Variants in SLC35F2 observed in about 807,000 individuals in gnomAD.
The protein encoded by SLC35F2 is solute carrier family 35 member F2.
In SLC35F2, 25 loss-of-function variants were observed where a neutral mutation model predicts 38.1. The observed-to-expected ratio is 0.66, with a 90% confidence interval of 0.48 to 0.92. The LOEUF is 0.92. Ranked by LOEUF, SLC35F2 falls within the 40% of genes least tolerant of loss-of-function variation. The probability of loss-of-function intolerance (pLI) is 0.00; values close to 1 mark genes in which losing one functional copy is unlikely to be tolerated. For missense variants in SLC35F2, 409 were observed against 452.9 expected (o/e 0.90, Z 0.88); for synonymous variants, 173 against 181.7 (o/e 0.95, Z 0.38).
At chr11:107,843,897 ATATATATATATG>A (rs1454631086) in intron 1 of SLC35F2, among the ~76,000 whole-genome samples, 7 of 114,016 alleles carry the variant, frequency 6.1e-5, no homozygotes, top group African/African-American at 2.2e-4. Context: ...ATATATATAT[ATATATATATATG>A]TATATTAATT....
At chr11:107,839,563 G>T (rs1291419316) in intron 1 of SLC35F2, among the ~76,000 whole-genome samples, 1 of 152,220 alleles carries the variant, frequency 6.6e-6, no homozygotes, top group East Asian at 1.9e-4. Flanking sequence ...AATAAGGGGT[G>T]TTCTGATAAA....
Position 107,828,701 on chromosome 11 carries a change from T to C in SLC35F2, c.111-12736A>G, listed in dbSNP as rs180967718. Among the ~76,000 whole-genome samples the C allele has an allele frequency of 3.8e-3, 573 of 152,198 alleles. 3 individuals are homozygous for C. The highest frequency in any genetic ancestry group is 4.2e-3 in the Non-Finnish European group (286 of 68,010). On this transcript the variant is annotated intron_variant, in intron 1 of 7. Transcript: ENST00000525815. ...CACTTTAGGAGCCCTAATAAAATAATGGATCTAGACAAAACATCAATAGCT... is the reference window on the plus strand; with the variant it reads ...CACTTTAGGAGCCCTAATAAAATAACGGATCTAGACAAAACATCAATAGCT...
At chr11:107,844,650 A>G (rs1860074108) in intron 1 of SLC35F2, among the ~76,000 whole-genome samples, 1 of 149,100 alleles carries the variant, frequency 6.7e-6, no homozygotes, top group African/African-American at 2.5e-5. Flanking sequence ...ATAAATAAAT[A>G]AATAAATAAA....
At position 107,818,598 on chromosome 11, in the gene SLC35F2, C is replaced by G. The variant is rs553555010; in HGVS notation, c.111-2633G>C. ...AAAATTTTATACAGGCGGCATCATA[C>G]TGTATATACTTCTGCAATTGTGGTT... On this transcript the variant is annotated intron_variant, in intron 1 of 7. Transcript: ENST00000525815. Among the ~76,000 whole-genome samples the G allele has an allele frequency of 9.2e-5, 14 of 152,240 alleles. No individual in the cohort carries two copies. The South Asian group carries it at 2.7e-3, about 29-fold the overall frequency.
At chr11:107,846,468 G>A (rs1860106365) in intron 1 of SLC35F2, among the ~76,000 whole-genome samples, 1 of 151,964 alleles carries the variant, frequency 6.6e-6, no homozygotes, top group Admixed American at 6.6e-5. Flanking sequence ...AAATCTCCAG[G>A]ATTAGTTGCA....
intron 1 of SLC35F2, among the ~76,000 whole-genome samples, chr11:107,835,019 A>G (rs1472228061): frequency 2.0e-5 from 3 of 152,234 alleles, no homozygotes; most frequent in African/African-American, 7.2e-5. Context: ...CCAATAAGAT[A>G]AAAGCTACCA....
chr11:107,838,253 C>A (rs1173946215), intron 1 of SLC35F2, among the ~76,000 whole-genome samples: 2 of 152,134 alleles, frequency 1.3e-5, no homozygotes, highest in African/African-American at 4.8e-5. Flanking sequence ...CTTACCTCAA[C>A]AAAAGTGAAG....
At position 107,791,054 on chromosome 11, in the gene SLC35F2, A is replaced by G. The variant is rs1262586284; in HGVS notation, c.*1561T>C. 2 of 152,582 alleles carry G rather than the reference A, an allele frequency of 1.3e-5. No homozygotes were observed. The highest frequency in any genetic ancestry group is 2.4e-5 in the African/African-American group (1 of 41,442). 9.5% of individuals were successfully genotyped at this position (152,582 alleles called of 1,614,324 possible). A position where few individuals can be genotyped will look rare whatever the true frequency, so the allele number is the denominator to read the frequency against. On this transcript the variant is annotated 3_prime_UTR_variant, in exon 8 of 8. Coordinates refer to ENST00000525815, the MANE Select transcript of SLC35F2 (RefSeq NM_017515.5). The stretch of plus-strand genomic sequence containing the variant: ...CACTTACTCCCCATTTCTTTTTTAC[A>G]TTGTTACAAAAAATTTACATACAGT...
chr11:107,858,488 A>C, intron 1 of SLC35F2, 170 bp downstream of exon 1: 1 of 506,510 alleles, frequency 2.0e-6, no homozygotes, highest in East Asian at 3.5e-5. Context: ...ACGCCAGGTG[A>C]AGCGCACCAT....
chr11:107,837,236 A>G (rs1306790827), intron 1 of SLC35F2, among the ~76,000 whole-genome samples: 1 of 152,226 alleles, frequency 6.6e-6, no homozygotes, highest in East Asian at 1.9e-4. Flanking sequence ...GCTCTTACGT[A>G]TATTAACATA....
intron 7 of SLC35F2, among the ~76,000 whole-genome samples, chr11:107,797,702 G>A (rs947978472): frequency 7.2e-5 from 11 of 152,190 alleles, no homozygotes; most frequent in African/African-American, 2.2e-4. Flanking sequence ...ATTTCTTAAC[G>A]TTAAACCTTA....
chr11:107,798,123 C>T (rs899868517), intron 7 of SLC35F2, among the ~76,000 whole-genome samples: 1 of 152,110 alleles, frequency 6.6e-6, no homozygotes, highest in East Asian at 1.9e-4. Flanking sequence ...TGTGCCTCGG[C>T]CTCCCAAGTA....
chr11:107,838,249 T>A (rs1320083349), intron 1 of SLC35F2, among the ~76,000 whole-genome samples: 1 of 152,166 alleles, frequency 6.6e-6, no homozygotes, highest in Non-Finnish European at 1.5e-5. Context: ...CTTTCTTACC[T>A]CAACAAAAGT....
rs1555081356 is a variant in SLC35F2 at position 107,791,574 on chromosome 11, T to TA, written c.*1040dup. On this transcript the variant is annotated 3_prime_UTR_variant, in exon 8 of 8. Transcript: ENST00000525815. ...TGGAATGAGTGATGGAGAAATGTTTTAAACAAACAAACAAACAGGCCAGGC... is the reference window on the plus strand; with the variant it reads ...TGGAATGAGTGATGGAGAAATGTTTTAAAACAAACAAACAAACAGGCCAGGC... 22 of 152,232 alleles carry TA rather than the reference T, an allele frequency of 1.4e-4. 1 individual carries two copies. Among genetic ancestry groups the TA allele is most frequent in the Admixed American group, 3.9e-4 (6 of 15,280 alleles). The allele number at this position is 152,232 out of a possible 1,614,324, so 9.4% of individuals were successfully genotyped here.
At chr11:107,849,639 G>A (rs1308999812) in intron 1 of SLC35F2, among the ~76,000 whole-genome samples, 1 of 35,718 alleles carries the variant, frequency 2.8e-5, no homozygotes, top group East Asian at 6.6e-4. Context: ...ACTCCGTTTT[G>A]GGAAAAAAAA....
rs757995415 is a variant in SLC35F2, at chr11:107,815,810, A to G, written c.266T>C (p.Val89Ala). Residue 89 changes from valine (V) to alanine (A), a missense_variant, in exon 2 of 8, where the codon GTG becomes GCG. Physicochemically the swap from Val to Ala is moderately conservative, Grantham distance 64. Transcript: ENST00000525815. ...CATACCTGATCGAAATGCCAGCATC[A>G]CTGTATAAATTAGGAACAGCAAGCA... is the stretch of plus-strand genomic sequence containing the variant. ...NYCLLFLIYT[V>A]MLAFRSGSDN... 14 of 1,611,414 alleles carry G rather than the reference A, an allele frequency of 8.7e-6. No homozygotes were observed. The highest frequency in any genetic ancestry group is 1.2e-5 in the Non-Finnish European group (14 of 1,179,146).
At chr11:107,837,981 C>T (rs1288876247) in intron 1 of SLC35F2, among the ~76,000 whole-genome samples, 1 of 148,868 alleles carries the variant, frequency 6.7e-6, no homozygotes, top group Non-Finnish European at 1.5e-5. Context: ...ACATCTAACA[C>T]TTATTGAGTG....
chr11:107,797,894 T>TC (rs1859245914), intron 7 of SLC35F2, among the ~76,000 whole-genome samples: 1 of 152,246 alleles, frequency 6.6e-6, no homozygotes, highest in Non-Finnish European at 1.5e-5. Context: ...AGCTGGTGTT[T>TC]AATAAATGTT....
chr11:107,833,720 AAG>A (rs1859887296), intron 1 of SLC35F2, among the ~76,000 whole-genome samples: 1 of 152,162 alleles, frequency 6.6e-6, no homozygotes, highest in Non-Finnish European at 1.5e-5. Context: ...GAGACGAATT[AAG>A]AGTCTTTTAT....
Sources: allele counts gnomAD v4.1 joint callset (sites outside exome capture counted in the v4.1 genomes callset), GRCh38; gene constraint gnomAD v4.1.1; transcripts MANE v1.5; gene names NCBI Gene and HGNC (gene_info 2026-07-23, HGNC 2026-07-21).